Variants in OTUD7A observed in about 807,000 individuals in gnomAD.
The protein encoded by OTUD7A is OTU deubiquitinase 7A, also known as OTU domain-containing protein 7A.
Under a neutral mutation model 65.7 loss-of-function variants are expected in OTUD7A, and 12 were observed. The ratio of observed to expected loss-of-function variants is 0.18; its 90% confidence interval spans 0.12 to 0.30. The LOEUF (loss-of-function observed/expected upper bound fraction) is 0.30. Among genes scored for constraint, OTUD7A ranks in the 10% least tolerant of loss-of-function variants. The probability of loss-of-function intolerance (pLI) is 1.00; values close to 1 mark genes in which losing one functional copy is unlikely to be tolerated. For synonymous variants in OTUD7A, 641 were observed against 586.3 expected (o/e 1.09, Z -1.35); for missense variants, 1,148 against 1,304.8 (o/e 0.88, Z 1.85).
chr15:31,589,424 C>T (rs4779899), intron 3 of OTUD7A, among the ~76,000 whole-genome samples: 46,713 of 147,976 alleles, frequency 0.32, 9,560 homozygotes, highest in African/African-American at 0.58. Context: ...CTTAGCCTCC[C>T]GAGTAGCTGG....
intron 1 of OTUD7A, among the ~76,000 whole-genome samples, chr15:31,687,120 AC>A (rs3047546): frequency 5.6e-5 from 8 of 142,526 alleles, no homozygotes; most frequent in South Asian, 4.5e-4. Context: ...AAAAAAAAAA[AC>A]CACACATAAT....
intron 5 of OTUD7A, among the ~76,000 whole-genome samples, chr15:31,551,277 G>A (rs1888314924): frequency 1.3e-5 from 2 of 152,204 alleles, no homozygotes; most frequent in African/African-American, 4.8e-5. Flanking sequence ...AGATAAAGGT[G>A]TGCTCCATAC....
chr15:31,830,982 A>C (rs886945919), intron 1 of OTUD7A, among the ~76,000 whole-genome samples: 1 of 152,244 alleles, frequency 6.6e-6, no homozygotes, highest in African/African-American at 2.4e-5. Flanking sequence ...ATGGAACAGA[A>C]TAAAGGGCCC....
At chr15:31,636,463 C>T (rs931979866) in intron 3 of OTUD7A, among the ~76,000 whole-genome samples, 7 of 152,090 alleles carry the variant, frequency 4.6e-5, no homozygotes, top group Non-Finnish European at 8.8e-5. Flanking sequence ...CTCCTGTCTC[C>T]CTCTCCTCAG....
At chr15:31,530,486 C>A (rs1022900659) in intron 6 of OTUD7A, among the ~76,000 whole-genome samples, 4 of 152,168 alleles carry the variant, frequency 2.6e-5, no homozygotes, top group African/African-American at 9.7e-5. Context: ...TCTATCACGC[C>A]AGGTCTTTTC....
At chr15:31,634,165 C>A (rs978533940) in intron 3 of OTUD7A, among the ~76,000 whole-genome samples, 1 of 152,154 alleles carries the variant, frequency 6.6e-6, no homozygotes, top group South Asian at 2.1e-4. Flanking sequence ...TAAAGAAGTA[C>A]CCCGTGAAGG....
chr15:31,699,225 G>T (rs1303136830), intron 1 of OTUD7A, among the ~76,000 whole-genome samples: 1 of 151,686 alleles, frequency 6.6e-6, no homozygotes, highest in Non-Finnish European at 1.5e-5. Flanking sequence ...GACTACAGGC[G>T]CCCGCCACCA....
chr15:31,546,156 T>C (rs551373746), intron 5 of OTUD7A, among the ~76,000 whole-genome samples: 1 of 152,326 alleles, frequency 6.6e-6, no homozygotes, highest in Non-Finnish European at 1.5e-5. Flanking sequence ...AGAATTTCAG[T>C]ATCTGGAGGG....
intron 3 of OTUD7A, among the ~76,000 whole-genome samples, chr15:31,636,010 C>G (rs1891330116): frequency 6.6e-6 from 1 of 152,210 alleles, no homozygotes; most frequent in South Asian, 2.1e-4. Context: ...TGCATCAGTC[C>G]TTTTAAAAAT....
chr15:31,814,527 C>T (rs563187264), intron 1 of OTUD7A, among the ~76,000 whole-genome samples: 2 of 144,720 alleles, frequency 1.4e-5, no homozygotes, highest in South Asian at 2.2e-4. Flanking sequence ...TGCGTAAGTT[C>T]TTTTTTTTTT....
chr15:31,672,128 T>C (rs1156914385), intron 1 of OTUD7A, among the ~76,000 whole-genome samples: 1 of 152,208 alleles, frequency 6.6e-6, no homozygotes, highest in African/African-American at 2.4e-5. Flanking sequence ...ATTATATACA[T>C]AAAACAAAAT....
chr15:31,869,230 C>T (rs968621443), intron 1 of OTUD7A, among the ~76,000 whole-genome samples: 51 of 152,296 alleles, frequency 3.3e-4, no homozygotes, highest in African/African-American at 1.2e-3. Context: ...TACCTCTGTT[C>T]TCGTGAACCC....
At chr15:31,720,562 G>A (rs985957316) in intron 1 of OTUD7A, among the ~76,000 whole-genome samples, 29 of 152,058 alleles carry the variant, frequency 1.9e-4, no homozygotes, top group African/African-American at 6.0e-4. Context: ...CACCTCGCCC[G>A]GCTAATTTTT....
At chr15:31,813,317 A>G (rs974747302) in intron 1 of OTUD7A, among the ~76,000 whole-genome samples, 6 of 152,252 alleles carry the variant, frequency 3.9e-5, no homozygotes, top group Non-Finnish European at 8.8e-5. Flanking sequence ...GCTTCTGTAC[A>G]GTAGAAACTC....
intron 1 of OTUD7A, among the ~76,000 whole-genome samples, chr15:31,660,809 A>C (rs1892140301): frequency 6.6e-6 from 1 of 152,154 alleles, no homozygotes; most frequent in South Asian, 2.1e-4. Context: ...GGATCATTTC[A>C]CTCTTTAGTT....
intron 3 of OTUD7A, among the ~76,000 whole-genome samples, chr15:31,579,245 G>A (rs971595468): frequency 2.0e-5 from 3 of 152,186 alleles, no homozygotes; most frequent in Non-Finnish European, 2.9e-5. Flanking sequence ...CAGTGCAGGT[G>A]CAGTATATTG....
chr15:31,611,752 C>T (rs1037087413), intron 3 of OTUD7A, among the ~76,000 whole-genome samples: 1 of 152,162 alleles, frequency 6.6e-6, no homozygotes, highest in African/African-American at 2.4e-5. Context: ...TCTTTTGACA[C>T]TATTCCACAA....
intron 1 of OTUD7A, among the ~76,000 whole-genome samples, chr15:31,821,228 C>T (rs1480434946): frequency 3.3e-5 from 5 of 150,084 alleles, no homozygotes; most frequent in East Asian, 1.9e-4. Context: ...CTCCACCTCC[C>T]GGGTTCAAGC....
At position 31,826,734 on chromosome 15, in the gene OTUD7A, C is replaced by T. The variant is rs563662401; in HGVS notation, c.-100+43773G>A. Among the ~76,000 whole-genome samples the T allele has an allele frequency of 1.1e-4, 17 of 152,326 alleles. 1 individual carries two copies. The South Asian group carries it at 3.3e-3, about 30-fold the overall frequency. On this transcript the variant is annotated intron_variant, in intron 1 of 12. Coordinates refer to ENST00000307050, the MANE Select transcript of OTUD7A (RefSeq NM_001382637.1). ...CCCTTTTAAAACTGAATGCTTTTAACAGCATCTAATTCACCGCTTGAATGC... is the reference window on the plus strand; with the variant it reads ...CCCTTTTAAAACTGAATGCTTTTAATAGCATCTAATTCACCGCTTGAATGC...
Sources: allele counts gnomAD v4.1 joint callset (sites outside exome capture counted in the v4.1 genomes callset), GRCh38; gene constraint gnomAD v4.1.1; transcripts MANE v1.5; gene names NCBI Gene and HGNC (gene_info 2026-07-23, HGNC 2026-07-21).